The following CLSTN2 variants were observed in gnomAD, a reference collection of about 807,000 sequenced individuals.
The protein encoded by CLSTN2 is calsyntenin-2.
CLSTN2 carries 48 observed loss-of-function variants against 101.2 expected under a neutral mutation model. The ratio of observed to expected loss-of-function variants is 0.47; its 90% CI spans 0.38 to 0.60. The LOEUF (loss-of-function observed/expected upper bound fraction) is 0.60. Ranked by LOEUF, CLSTN2 falls within the 20% of genes least tolerant of loss-of-function variation. CLSTN2 has a pLI of 0.00. For synonymous variants in CLSTN2, 481 were observed against 463.6 expected (o/e 1.04, Z -0.48); for missense variants, 1,160 against 1,238.2 (o/e 0.94, Z 0.95).
chr3:140,044,716 C>CGT (rs1560077992), intron 1 of CLSTN2, among the ~76,000 whole-genome samples: 2 of 152,028 alleles, frequency 1.3e-5, no homozygotes, highest in East Asian at 3.9e-4. Context: ...CAATACCTAA[C>CGT]TTATTGAGAG....
chr3:140,472,003 A>G (rs1368933481), intron 8 of CLSTN2, among the ~76,000 whole-genome samples: 1 of 152,158 alleles, frequency 6.6e-6, no homozygotes, highest in Non-Finnish European at 1.5e-5. Flanking sequence ...TGTGTCTGAG[A>G]AGTTTGGATC....
intron 2 of CLSTN2, among the ~76,000 whole-genome samples, chr3:140,302,558 C>T (rs1231401703): frequency 6.6e-6 from 1 of 152,166 alleles, no homozygotes; most frequent in Non-Finnish European, 1.5e-5. Context: ...GTCTTCAAAG[C>T]ATTTATTCTC....
At chr3:140,258,610 T>A (rs2086623162) in intron 2 of CLSTN2, among the ~76,000 whole-genome samples, 1 of 152,238 alleles carries the variant, frequency 6.6e-6, no homozygotes, top group Non-Finnish European at 1.5e-5. Context: ...GAAGGAAGGA[T>A]AAATTTTCTA....
chr3:140,009,361 T>A (rs1217918188), intron 1 of CLSTN2, among the ~76,000 whole-genome samples: 2 of 152,194 alleles, frequency 1.3e-5, no homozygotes, highest in African/African-American at 4.8e-5. Context: ...ACAAAAAAAA[T>A]TAGATAGTTC....
chr3:140,173,990 A>G (rs1280443357), intron 1 of CLSTN2, among the ~76,000 whole-genome samples: 2 of 152,160 alleles, frequency 1.3e-5, no homozygotes, highest in Non-Finnish European at 2.9e-5. Flanking sequence ...GCTTCTCGTT[A>G]CTTATGAAAA....
At chr3:140,397,746 T>C (rs1039663086) in intron 2 of CLSTN2, among the ~76,000 whole-genome samples, 24 of 152,242 alleles carry the variant, frequency 1.6e-4, no homozygotes, top group African/African-American at 5.8e-4. Flanking sequence ...TTTCAATGTA[T>C]GAACTTGGGA....
Position 140,128,890 on chromosome 3 carries a change from G to A in CLSTN2, c.110-47061G>A, listed in dbSNP as rs538365832. ...GGTTCAGAGACCTTGGCAGCAGAAG[G>A]GGGCAGAGCTGAGTGGATAATGTGA... On this transcript the variant is annotated intron_variant, in intron 1 of 16. Coordinates refer to ENST00000458420, the MANE Select transcript of CLSTN2 (RefSeq NM_022131.3). Among the ~76,000 whole-genome samples, 44 of 151,854 alleles carry A rather than the reference G, an allele frequency of 2.9e-4. 2 individuals carry two copies. In the South Asian group the frequency reaches 8.7e-3, roughly 30 times the overall value.
intron 2 of CLSTN2, among the ~76,000 whole-genome samples, chr3:140,222,654 C>G (rs2086284775): frequency 6.6e-6 from 1 of 151,914 alleles, no homozygotes; most frequent in African/African-American, 2.4e-5. Flanking sequence ...ATGAATAGAA[C>G]CTAGTATTTG....
chr3:140,391,368 T>TGGG (rs1291536474), intron 2 of CLSTN2, among the ~76,000 whole-genome samples: 1 of 2,640 alleles, frequency 3.8e-4, no homozygotes, highest in African/African-American at 1.1e-3. Flanking sequence ...ACTATTTGCG[T>TGGG]GGGGGGGTGG....
chr3:140,492,105 A>G (rs1051233729), intron 8 of CLSTN2, among the ~76,000 whole-genome samples: 5 of 152,066 alleles, frequency 3.3e-5, no homozygotes, highest in African/African-American at 1.2e-4. Flanking sequence ...TGCAAAATTT[A>G]AATCCACAGT....
intron 2 of CLSTN2, among the ~76,000 whole-genome samples, chr3:140,210,803 A>G (rs1016308480): frequency 1.3e-5 from 2 of 152,058 alleles, no homozygotes; most frequent in African/African-American, 4.8e-5. Context: ...TACAGAATGA[A>G]CGTAATTATA....
intron 2 of CLSTN2, among the ~76,000 whole-genome samples, chr3:140,336,677 T>C (rs979764055): frequency 9.2e-5 from 14 of 152,312 alleles, no homozygotes; most frequent in Middle Eastern, 3.4e-3. Flanking sequence ...AGAGCTGGCA[T>C]AGACTTGCCA....
chr3:140,138,020 G>C (rs1346267498), intron 1 of CLSTN2, among the ~76,000 whole-genome samples: 1 of 152,094 alleles, frequency 6.6e-6, no homozygotes, highest in African/African-American at 2.4e-5. Flanking sequence ...ACATATTCAC[G>C]TGCAGAACCA....
chr3:140,365,382 T>C (rs2087775583), intron 2 of CLSTN2, among the ~76,000 whole-genome samples: 1 of 151,954 alleles, frequency 6.6e-6, no homozygotes, highest in South Asian at 2.1e-4. Context: ...TCAAAGGGAT[T>C]TTTCAAGGAG....
intron 8 of CLSTN2, among the ~76,000 whole-genome samples, chr3:140,529,149 C>T (rs1020585247): frequency 2.6e-5 from 4 of 152,210 alleles, no homozygotes; most frequent in Non-Finnish European, 5.9e-5. Context: ...TGGGAGGCTT[C>T]CCTGGCCCCT....
At chr3:140,450,319 C>A (rs563214962) in intron 6 of CLSTN2, among the ~76,000 whole-genome samples, 41 of 152,152 alleles carry the variant, frequency 2.7e-4, no homozygotes, top group Non-Finnish European at 5.0e-4. Flanking sequence ...TCCATCCAGG[C>A]CTCCATCCAG....
intron 2 of CLSTN2, among the ~76,000 whole-genome samples, chr3:140,299,399 T>C (rs2087033040): frequency 6.6e-6 from 1 of 152,250 alleles, no homozygotes; most frequent in African/African-American, 2.4e-5. Flanking sequence ...CTGTTCAATT[T>C]AGTAAACCAG....
intron 2 of CLSTN2, among the ~76,000 whole-genome samples, chr3:140,232,450 G>A (rs1320541322): frequency 6.6e-6 from 1 of 151,792 alleles, no homozygotes. Flanking sequence ...CTCCCCAGGG[G>A]TCCCCTTGGA....
chr3:140,317,452 AG>A (rs141234642), intron 2 of CLSTN2, among the ~76,000 whole-genome samples: 6,730 of 152,198 alleles, frequency 0.044, 468 homozygotes, highest in African/African-American at 0.15. Context: ...TCCCTCCCTT[AG>A]CTGCAGTCCA....
Sources: allele counts gnomAD v4.1 joint callset (sites outside exome capture counted in the v4.1 genomes callset), GRCh38; gene constraint gnomAD v4.1.1; transcripts MANE v1.5; gene names NCBI Gene and HGNC (gene_info 2026-07-23, HGNC 2026-07-21).